Variants in SMAD1 observed in about 807,000 individuals in gnomAD.
The protein encoded by SMAD1 is MAD, mothers against decapentaplegic homolog 1.
A neutral mutation model predicts 41.6 loss-of-function variants in SMAD1; 6 were observed. The ratio of observed to expected loss-of-function variants is 0.14; its 90% CI spans 0.08 to 0.28. The LOEUF (loss-of-function observed/expected upper bound fraction) is 0.28, where lower values mean the gene tolerates loss of function less well. Ranked by LOEUF, SMAD1 falls within the 10% of genes least tolerant of loss-of-function variation. The pLI, the probability that SMAD1 is intolerant of heterozygous loss-of-function variation, is 1.00. For missense variants in SMAD1, 379 were observed against 582.6 expected, an observed-to-expected ratio of 0.65 and a Z score of 3.60; for synonymous variants, 206 against 203.2, an observed-to-expected ratio of 1.01 and a Z score of -0.12.
chr4:145,553,323 G>C (rs1323144576), intron 5 of SMAD1, among the ~76,000 whole-genome samples: 1 of 152,086 alleles, frequency 6.6e-6, no homozygotes, highest in Non-Finnish European at 1.5e-5. Flanking sequence ...GCCATCCCCA[G>C]TCTTTTTGGC....
chr4:145,554,129 C>A (rs1352254135), intron 6 of SMAD1, 89 bp downstream of exon 6: 3 of 1,165,470 alleles, frequency 2.6e-6, no homozygotes, highest in Non-Finnish European at 2.4e-6. Flanking sequence ...GAATCTATAT[C>A]CTCTTGATAA....
Position 145,497,884 on chromosome 4 carries a change from T to G in SMAD1, c.-177+15846T>G, listed in dbSNP as rs1353104654. ...ATTCTGGAAGAGGGGGTTGCTGCTA[T>G]TTGTTCAGTTTCTCCTCCAAGGTGG... On this transcript the variant is annotated intron_variant, in intron 1 of 6. Transcript: ENST00000302085. 3 of 152,342 alleles carry G rather than the reference T, an allele frequency of 2.0e-5. No individual in the cohort carries two copies. The East Asian group carries it at 5.8e-4, about 29-fold the overall frequency. The allele number at this position is 152,342 out of a possible 1,614,324, so 9.4% of individuals were successfully genotyped here.
chr4:145,516,603 A>C (rs1730404308), intron 2 of SMAD1, among the ~76,000 whole-genome samples: 1 of 152,162 alleles, frequency 6.6e-6, no homozygotes, highest in Admixed American at 6.5e-5. Context: ...ACTGTGCTGA[A>C]TTCTCCTTAC....
At chr4:145,487,494 G>T (rs1207071437) in intron 1 of SMAD1, among the ~76,000 whole-genome samples, 1 of 152,084 alleles carries the variant, frequency 6.6e-6, no homozygotes, top group African/African-American at 2.4e-5. Flanking sequence ...TGTCCTCTTT[G>T]CCCCAATCTG....
Position 145,518,912 on chromosome 4 carries a change from A to G in SMAD1, c.400+3899A>G, listed in dbSNP as rs527433136. Among the ~76,000 whole-genome samples the G allele has an allele frequency of 3.4e-4, 43 of 125,710 alleles. 4 individuals carry two copies. Among genetic ancestry groups the G allele is most frequent in the African/African-American group, 9.6e-4 (38 of 39,604 alleles). 82.5% of individuals were successfully genotyped at this position (125,710 alleles called of 152,430 possible). A position where few individuals can be genotyped will look rare whatever the true frequency, so the allele number is the denominator to read the frequency against. On this transcript the variant is annotated intron_variant, in intron 2 of 6. Transcript: ENST00000302085. The stretch of plus-strand genomic sequence containing the variant: ...TTTTTAAATTGACAAATAATTGTAT[A>G]TATTTGTGGAATACAGTGTTATGTT...
chr4:145,554,111 C>A (rs575494827), intron 6 of SMAD1, 71 bp downstream of exon 6: 1 of 1,120,086 alleles, frequency 8.9e-7, no homozygotes, highest in Non-Finnish European at 1.3e-6. Flanking sequence ...TTTTTTTTGG[C>A]GATATATGAA....
intron 4 of SMAD1, chr4:145,544,337 T>G (rs1172848390): frequency 6.6e-6 from 1 of 152,258 alleles, no homozygotes; most frequent in African/African-American, 2.4e-5. Flanking sequence ...CCCTAGCACT[T>G]TGGGAGGCCG....
intron 2 of SMAD1, among the ~76,000 whole-genome samples, chr4:145,524,503 T>A (rs1381252045): frequency 6.6e-6 from 1 of 152,210 alleles, no homozygotes; most frequent in East Asian, 1.9e-4. Flanking sequence ...ACAATGTGAT[T>A]TGTTTCTGGG....
chr4:145,500,420 G>GC (rs1729365216), intron 1 of SMAD1, among the ~76,000 whole-genome samples: 1 of 152,002 alleles, frequency 6.6e-6, no homozygotes, highest in South Asian at 2.1e-4. Flanking sequence ...AGGACTCCTT[G>GC]CCATTCCTTG....
At chr4:145,522,968 T>C (rs1730834485) in intron 2 of SMAD1, among the ~76,000 whole-genome samples, 1 of 152,190 alleles carries the variant, frequency 6.6e-6, no homozygotes, top group African/African-American at 2.4e-5. Context: ...TGAGCCACCG[T>C]GCCTGGCTGT....
chr4:145,540,392 A>AC (rs1731856635), intron 3 of SMAD1, among the ~76,000 whole-genome samples: 1 of 152,278 alleles, frequency 6.6e-6, no homozygotes. Flanking sequence ...CGTGTTACAC[A>AC]CATTTGCTCT....
At chr4:145,492,329 G>C (rs569571964) in intron 1 of SMAD1, among the ~76,000 whole-genome samples, 86 of 152,330 alleles carry the variant, frequency 5.6e-4, no homozygotes, top group African/African-American at 1.9e-3. Context: ...TGGCTGACCA[G>C]CTTCAAGTTG....
chr4:145,496,953 T>A (rs745442730), intron 1 of SMAD1: 1 of 152,250 alleles, frequency 6.6e-6, no homozygotes, highest in Admixed American at 6.5e-5. Context: ...GAGTGATTTA[T>A]ATGACATAAA....
chr4:145,495,779 C>CTTTTT (rs397938427), intron 1 of SMAD1, among the ~76,000 whole-genome samples: 7,839 of 117,150 alleles, frequency 0.067, 876 homozygotes, highest in African/African-American at 0.23. Flanking sequence ...CAGTGCTTGG[C>CTTTTT]TTTTTTTTTT....
At chr4:145,556,508 G>A (rs929236075) in intron 6 of SMAD1, among the ~76,000 whole-genome samples, 19 of 152,054 alleles carry the variant, frequency 1.2e-4, no homozygotes, top group Non-Finnish European at 2.2e-4. Context: ...CCAGGCTGGA[G>A]TGCAATGGTG....
chr4:145,489,477 A>G (rs535167892), intron 1 of SMAD1, among the ~76,000 whole-genome samples: 1 of 145,312 alleles, frequency 6.9e-6, no homozygotes, highest in Non-Finnish European at 1.5e-5. Context: ...AAATAAATAA[A>G]TAAATAAAAT....
chr4:145,508,207 A>G (rs1729893157), intron 1 of SMAD1, among the ~76,000 whole-genome samples: 3 of 151,846 alleles, frequency 2.0e-5, no homozygotes, highest in Admixed American at 2.0e-4. Context: ...CCACTTGTCC[A>G]TATGATAAGA....
intron 1 of SMAD1, among the ~76,000 whole-genome samples, chr4:145,509,463 C>G (rs554164309): frequency 6.6e-6 from 1 of 152,042 alleles, no homozygotes; most frequent in East Asian, 1.9e-4. Context: ...ATAAATACCC[C>G]CAAGTGATTT....
intron 4 of SMAD1, among the ~76,000 whole-genome samples, chr4:145,542,971 A>ATTTTTTTTTTG (rs1732037059): frequency 1.3e-5 from 2 of 149,682 alleles, no homozygotes; most frequent in Non-Finnish European, 1.5e-5. Context: ...GATGATGAAA[A>ATTTTTTTTTTG]TTTTTTTTTT....
Sources: allele counts gnomAD v4.1 joint callset (sites outside exome capture counted in the v4.1 genomes callset), GRCh38; gene constraint gnomAD v4.1.1; transcripts MANE v1.5; gene names NCBI Gene and HGNC (gene_info 2026-07-23, HGNC 2026-07-21).